DHX32: variants seen among roughly 807,000 people sequenced by gnomAD.
DHX32 encodes putative pre-mRNA-splicing factor ATP-dependent RNA helicase DHX32.
Under a neutral mutation model 70.0 loss-of-function variants are expected in DHX32, and 51 were observed. That is an observed-to-expected ratio of 0.73 (90% CI 0.58 to 0.92). DHX32 has a LOEUF of 0.92. Among genes scored for constraint, DHX32 ranks in the 40% least tolerant of loss-of-function variants. The pLI is 0.00. For synonymous variants in DHX32, 310 were observed against 315.3 expected, an observed-to-expected ratio of 0.98 and a Z score of 0.18; for missense variants, 762 against 891.8, an observed-to-expected ratio of 0.85 and a Z score of 1.85.
chr10:125,839,254 A>G (rs2065959315), intron 8 of DHX32, 66 bp from the exon 9 acceptor site: 1 of 1,526,480 alleles, frequency 6.6e-7, no homozygotes, highest in South Asian at 1.2e-5. Context: ...AGCCCAGGCC[A>G]GGCAGTTGCC....
intron 3 of DHX32, among the ~76,000 whole-genome samples, chr10:125,857,704 A>G (rs1944157421): frequency 1.3e-5 from 2 of 152,152 alleles, no homozygotes; most frequent in South Asian, 4.2e-4. Context: ...TTAAACTTAT[A>G]AGAATCATGT....
intron 6 of DHX32, among the ~76,000 whole-genome samples, chr10:125,851,796 C>T (rs1944092372): frequency 6.6e-6 from 1 of 151,870 alleles, no homozygotes; most frequent in African/African-American, 2.4e-5. Context: ...TGGCTTGCAC[C>T]TGTGGTCCCA....
intron 2 of DHX32, among the ~76,000 whole-genome samples, chr10:125,864,845 G>T (rs994642672): frequency 2.1e-5 from 3 of 141,140 alleles, no homozygotes; most frequent in Non-Finnish European, 4.5e-5. Flanking sequence ...CACGATAATC[G>T]CTTGAACCCG....
intron 1 of DHX32, among the ~76,000 whole-genome samples, chr10:125,878,051 T>C (rs907988002): frequency 2.0e-5 from 3 of 152,082 alleles, no homozygotes; most frequent in African/African-American, 4.8e-5. Flanking sequence ...AACTTAAGAG[T>C]AAAATATGGA....
intron 6 of DHX32, among the ~76,000 whole-genome samples, chr10:125,849,186 T>A (rs1161434087): frequency 2.6e-5 from 4 of 152,172 alleles, no homozygotes; most frequent in Non-Finnish European, 1.5e-5. Flanking sequence ...GTTAAATTGC[T>A]GTTTTGTTTT....
chr10:125,880,402 G>T, intron 1 of DHX32, 141 bp downstream of exon 1: 1 of 841,828 alleles, frequency 1.2e-6, no homozygotes, highest in South Asian at 2.5e-5. Flanking sequence ...AATTAGGTAC[G>T]TGATTTAATT....
chr10:125,891,455 T>C (rs4125747), intron 1 of DHX32, among the ~76,000 whole-genome samples: 101 of 131,248 alleles, frequency 7.7e-4, no homozygotes, highest in Middle Eastern at 3.8e-3. Context: ...AACCCATAAA[T>C]AGCCACAGGC....
chr10:125,874,271 G>GT (rs1464103272), intron 1 of DHX32, among the ~76,000 whole-genome samples: 2 of 152,090 alleles, frequency 1.3e-5, no homozygotes, highest in African/African-American at 4.8e-5. Flanking sequence ...CAAAAACCAA[G>GT]TTGTTTCCAA....
chr10:125,880,494 T>C (rs751710038), intron 1 of DHX32, 49 bp downstream of exon 1: 1 of 1,522,170 alleles, frequency 6.6e-7, no homozygotes. Flanking sequence ...TAAATAACAA[T>C]TAAAAAATCA....
intron 1 of DHX32, among the ~76,000 whole-genome samples, chr10:125,876,932 TAC>T (rs1944288074): frequency 6.6e-6 from 1 of 152,172 alleles, no homozygotes; most frequent in Non-Finnish European, 1.5e-5. Flanking sequence ...ATGTTACGGC[TAC>T]ACACTGTTTT....
chr10:125,861,696 C>A (rs959891509), intron 2 of DHX32, among the ~76,000 whole-genome samples: 13 of 152,194 alleles, frequency 8.5e-5, no homozygotes, highest in Admixed American at 2.6e-4. Flanking sequence ...GAATGAAGTG[C>A]ACGGTTTGTG....
intron 1 of DHX32, among the ~76,000 whole-genome samples, chr10:125,887,095 T>C (rs1944344589): frequency 3.3e-5 from 5 of 152,356 alleles, no homozygotes; most frequent in Middle Eastern, 3.4e-3. Flanking sequence ...AGGGATCATA[T>C]GCTTCTAAGG....
Position 125,836,659 on chromosome 10 carries a change from C to T in DHX32, c.*28G>A. The T allele has an allele frequency of 6.2e-7, 1 of 1,602,580 alleles. No homozygotes were observed. Among genetic ancestry groups the T allele is most frequent in the Non-Finnish European group, 8.5e-7 (1 of 1,173,280 alleles). ...TCAGCCATCCAGCTACCTTTGGGACCCTGCTGCACCTTGTGTTTGCTGGGG... is the reference window on the plus strand; with the variant it reads ...TCAGCCATCCAGCTACCTTTGGGACTCTGCTGCACCTTGTGTTTGCTGGGG... On this transcript the variant is annotated 3_prime_UTR_variant, in exon 11 of 11. Coordinates refer to ENST00000284690, the MANE Select transcript of DHX32 (RefSeq NM_018180.3).
intron 9 of DHX32, 35 bp downstream of exon 9, chr10:125,838,966 A>C: frequency 6.3e-7 from 1 of 1,590,112 alleles, no homozygotes; most frequent in Non-Finnish European, 8.6e-7. Flanking sequence ...GCAATTCAGC[A>C]GAGCCTATGC....
chr10:125,852,199 C>T, intron 6 of DHX32, 94 bp downstream of exon 6: 1 of 1,455,080 alleles, frequency 6.9e-7, no homozygotes, highest in East Asian at 2.4e-5. Context: ...TGCTTGTGTG[C>T]ATTGCTGCGC....
rs546222053 is a variant in DHX32 at position 125,851,336 on chromosome 10, T to C, written c.1351+957A>G. Reference sequence around the variant, plus strand: ...ATAAATTGTTACCCTAACCCTTTTGTCCCCCAGTTATCAGCTTTAAGCCTC... The same window carrying C: ...ATAAATTGTTACCCTAACCCTTTTGCCCCCCAGTTATCAGCTTTAAGCCTC... On this transcript the variant is annotated intron_variant, in intron 6 of 10. Coordinates refer to ENST00000284690, the MANE Select transcript of DHX32 (RefSeq NM_018180.3). Among the ~76,000 whole-genome samples, 4 of 152,284 alleles carry C rather than the reference T, an allele frequency of 2.6e-5. No individual in the cohort carries two copies. The East Asian group carries it at 7.7e-4, about 29-fold the overall frequency.
intron 6 of DHX32, among the ~76,000 whole-genome samples, chr10:125,847,172 C>T (rs1944032383): frequency 6.6e-6 from 1 of 151,310 alleles, no homozygotes; most frequent in African/African-American, 2.4e-5. Context: ...TTTTAAAACC[C>T]ATGCATTTTT....
At chr10:125,889,138 C>G (rs1016011433) in intron 1 of DHX32, among the ~76,000 whole-genome samples, 1 of 152,182 alleles carries the variant, frequency 6.6e-6, no homozygotes, top group African/African-American at 2.4e-5. Flanking sequence ...ATCTTTGGAA[C>G]CAACTTATAA....
At chr10:125,855,489 C>T (rs1944139343) in intron 3 of DHX32, among the ~76,000 whole-genome samples, 1 of 144,198 alleles carries the variant, frequency 6.9e-6, no homozygotes. Context: ...CGCTCTGTTG[C>T]CCAGGCTGGA....
Sources: gnomAD v4.1 joint callset for allele counts (sites outside exome capture counted in the v4.1 genomes callset) on GRCh38, gnomAD v4.1.1 for gene constraint, MANE v1.5 for transcripts, NCBI Gene and HGNC (gene_info 2026-07-23, HGNC 2026-07-21) for gene names.